The following TRERF1 variants were observed in gnomAD, a reference collection of about 807,000 sequenced individuals.
TRERF1 encodes transcriptional-regulating factor 1.
TRERF1 carries 27 observed loss-of-function variants against 122.9 expected under a neutral mutation model. The observed-to-expected ratio is 0.22, with a 90% CI of 0.16 to 0.30. The LOEUF (loss-of-function observed/expected upper bound fraction) is 0.30, where lower values mean the gene tolerates loss of function less well. Among genes scored for constraint, TRERF1 ranks in the 10% least tolerant of loss-of-function variants. The pLI, the probability that TRERF1 is intolerant of heterozygous loss-of-function variation, is 1.00. For synonymous variants in TRERF1, 636 were observed against 641.7 expected (o/e 0.99, Z 0.13); for missense variants, 1,248 against 1,560.3 (o/e 0.80, Z 3.37).
intron 2 of TRERF1, among the ~76,000 whole-genome samples, chr6:42,391,614 G>A (rs1023575980): frequency 1.4e-4 from 22 of 151,936 alleles, no homozygotes; most frequent in Admixed American, 8.5e-4. Context: ...CTTTGAACAC[G>A]ATCTCTAAGA....
intron 14 of TRERF1, among the ~76,000 whole-genome samples, chr6:42,245,417 C>T (rs1348843686): frequency 6.6e-6 from 1 of 152,254 alleles, no homozygotes; most frequent in Admixed American, 6.5e-5. Context: ...CCCTAGGACA[C>T]CTCCGAGGAC....
chr6:42,400,484 C>T (rs1018256260), intron 2 of TRERF1, among the ~76,000 whole-genome samples: 1 of 152,200 alleles, frequency 6.6e-6, no homozygotes, highest in African/African-American at 2.4e-5. Context: ...CACTGGCTTG[C>T]TTATTGGGGG....
At chr6:42,437,183 C>T (rs990310207) in intron 2 of TRERF1, among the ~76,000 whole-genome samples, 3 of 152,088 alleles carry the variant, frequency 2.0e-5, no homozygotes, top group Non-Finnish European at 4.4e-5. Flanking sequence ...CACACAAGGG[C>T]ACTCCAGCTC....
intron 3 of TRERF1, among the ~76,000 whole-genome samples, chr6:42,338,657 T>C (rs1051940693): frequency 2.0e-5 from 3 of 152,076 alleles, no homozygotes; most frequent in Non-Finnish European, 1.5e-5. Flanking sequence ...TCACACACCA[T>C]TCCTAGGAGT....
chr6:42,230,375 T>G (rs748350319), intron 17 of TRERF1, among the ~76,000 whole-genome samples: 3 of 152,098 alleles, frequency 2.0e-5, no homozygotes, highest in Non-Finnish European at 4.4e-5. Flanking sequence ...AAAAAACATT[T>G]AATAGATGCT....
chr6:42,265,236 G>A (rs1204538272), intron 6 of TRERF1, among the ~76,000 whole-genome samples: 2 of 152,176 alleles, frequency 1.3e-5, no homozygotes, highest in African/African-American at 4.8e-5. Context: ...TGGGGCAGCC[G>A]CCGTACTGCA....
intron 13 of TRERF1, among the ~76,000 whole-genome samples, chr6:42,250,847 G>A (rs1775630018): frequency 6.6e-6 from 1 of 152,132 alleles, no homozygotes; most frequent in African/African-American, 2.4e-5. Flanking sequence ...CTGGACTGTG[G>A]CTAATTTGGG....
chr6:42,385,956 T>C (rs1390289293), intron 2 of TRERF1, among the ~76,000 whole-genome samples: 1 of 152,216 alleles, frequency 6.6e-6, no homozygotes, highest in Non-Finnish European at 1.5e-5. Flanking sequence ...GTTTATTAAA[T>C]AGTTCACAGT....
rs144168592 is a variant in TRERF1, at chr6:42,290,741, C to CTTT, written c.-259+9894_-259+9896dup. ...ATTTATCCTTTTTTCCATTTCTTTC[C>CTTT]TTTTTTTTTTTTTTTTTTTTTTTGA... On this transcript the variant is annotated intron_variant, in intron 4 of 17. Coordinates refer to ENST00000372922, the Ensembl canonical transcript of TRERF1. Among the ~76,000 whole-genome samples the CTTT allele has an allele frequency of 4.5e-3, 419 of 92,404 alleles. 13 individuals are homozygous for CTTT. The highest frequency in any genetic ancestry group is 0.015 in the African/African-American group (328 of 22,040). 60.6% of individuals were successfully genotyped at this position (92,404 alleles called of 152,430 possible). A position where few individuals can be genotyped will look rare whatever the true frequency, so the allele number is the denominator to read the frequency against.
intron 4 of TRERF1, among the ~76,000 whole-genome samples, chr6:42,284,468 T>C (rs1782841908): frequency 6.6e-6 from 1 of 152,248 alleles, no homozygotes; most frequent in African/African-American, 2.4e-5. Flanking sequence ...CAGTGAAAAA[T>C]GTGTCGCCTG....
chr6:42,407,484 T>C (rs904018116), intron 2 of TRERF1, among the ~76,000 whole-genome samples: 6 of 152,136 alleles, frequency 3.9e-5, no homozygotes, highest in Admixed American at 3.3e-4. Flanking sequence ...TAAAACCGGC[T>C]CGACAAAGAG....
intron 3 of TRERF1, among the ~76,000 whole-genome samples, chr6:42,316,420 G>A (rs1303499670): frequency 1.3e-5 from 2 of 152,208 alleles, no homozygotes; most frequent in South Asian, 2.1e-4. Flanking sequence ...CTGCCTCATA[G>A]TGACTTTGTT....
chr6:42,320,132 C>T (rs1371049958), intron 3 of TRERF1, among the ~76,000 whole-genome samples: 2 of 152,010 alleles, frequency 1.3e-5, no homozygotes, highest in East Asian at 3.9e-4. Context: ...AACTCCTGAC[C>T]TCAAATGATC....
intron 12 of TRERF1, 110 bp from the exon 13 acceptor site, chr6:42,255,036 G>T: frequency 9.3e-7 from 1 of 1,070,258 alleles, no homozygotes; most frequent in South Asian, 1.3e-5. Flanking sequence ...GGTCAGGGGC[G>T]GGGGCACTGG....
chr6:42,377,910 C>T (rs1483727520), intron 2 of TRERF1, among the ~76,000 whole-genome samples: 4 of 152,230 alleles, frequency 2.6e-5, no homozygotes, highest in South Asian at 4.1e-4. Context: ...TGCGGTCTCA[C>T]AGGACCCCAT....
chr6:42,294,180 A>AT (rs70987589), intron 4 of TRERF1, among the ~76,000 whole-genome samples: 79,294 of 128,782 alleles, frequency 0.62, 25,127 homozygotes, highest in East Asian at 0.77. Flanking sequence ...CTATAATGTA[A>AT]TTTTTTTTTT....
chr6:42,233,540 C>T (rs908627280), intron 16 of TRERF1, among the ~76,000 whole-genome samples: 11 of 152,194 alleles, frequency 7.2e-5, no homozygotes, highest in Admixed American at 7.2e-4. Context: ...CCGCCTTGGC[C>T]TCCCAAAGTG....
intron 4 of TRERF1, among the ~76,000 whole-genome samples, chr6:42,279,184 G>C (rs937637957): frequency 6.6e-6 from 1 of 152,174 alleles, no homozygotes; most frequent in African/African-American, 2.4e-5. Context: ...CCAGGGCCCA[G>C]GAGGTGCAGT....
At chr6:42,441,033 C>T (rs1300048038) in intron 2 of TRERF1, among the ~76,000 whole-genome samples, 1 of 152,172 alleles carries the variant, frequency 6.6e-6, no homozygotes, top group African/African-American at 2.4e-5. Context: ...TTTATCACAG[C>T]AGAAGTAGAC....
Sources: allele counts gnomAD v4.1 joint callset (sites outside exome capture counted in the v4.1 genomes callset), GRCh38; gene constraint gnomAD v4.1.1; transcripts MANE v1.5; gene names NCBI Gene and HGNC (gene_info 2026-07-23, HGNC 2026-07-21).